GOSR2: variants seen among roughly 807,000 people sequenced by gnomAD.
GOSR2 encodes the protein 27 kDa Golgi SNARE protein.
GOSR2 carries 20 observed loss-of-function variants against 27.9 expected under a neutral mutation model. The observed-to-expected ratio is 0.72, with a 90% CI of 0.50 to 1.04. The LOEUF is 1.04. GOSR2 is among the 50% of genes least tolerant of loss of function. GOSR2 has a pLI of 0.00. For missense variants in GOSR2, 261 were observed against 270.5 expected, an observed-to-expected ratio of 0.97 and a Z score of 0.25; for synonymous variants, 91 against 98.8, an observed-to-expected ratio of 0.92 and a Z score of 0.47.
intron 6 of GOSR2, among the ~76,000 whole-genome samples, chr17:46,951,993 A>G (rs531384839): frequency 1.3e-5 from 2 of 152,154 alleles, no homozygotes; most frequent in South Asian, 4.1e-4. Flanking sequence ...CAGAGTGGCT[A>G]TATTTGGTTC....
downstream of GOSR2, among the ~76,000 whole-genome samples, chr17:46,968,297 C>A (rs2147338087): frequency 6.6e-6 from 1 of 152,310 alleles, no homozygotes; most frequent in East Asian, 1.9e-4. Flanking sequence ...CTGTGGACAC[C>A]CCTGAACATC....
At chr17:46,923,540 C>G (rs913969526) in intron 1 of GOSR2, 11 of 1,323,596 alleles carry the variant, frequency 8.3e-6, no homozygotes, top group Non-Finnish European at 9.6e-6. Context: ...CTTGTCAACT[C>G]GGTGCTCCTG....
Position 46,941,363 on chromosome 17 carries a change from A to G in GOSR2, c.*2603A>G, listed in dbSNP as rs945908979. The G allele has an allele frequency of 1.2e-5, 12 of 983,674 alleles. No individual in the cohort carries two copies. In the African/African-American group the frequency reaches 1.9e-4, roughly 16 times the overall value. 60.9% of individuals were successfully genotyped at this position (983,674 alleles called of 1,614,324 possible). On this transcript the variant is annotated 3_prime_UTR_variant, in exon 6 of 6. Transcript: ENST00000640051. Reference sequence around the variant, plus strand: ...AAGTTGAGGTTTATTTTATTTAGAAAATCACATTTTGTAAAAGAATTCGAT... The same window carrying G: ...AAGTTGAGGTTTATTTTATTTAGAAGATCACATTTTGTAAAAGAATTCGAT...
intron 5 of GOSR2, among the ~76,000 whole-genome samples, chr17:46,938,165 T>C (rs2088725065): frequency 6.6e-6 from 1 of 150,522 alleles, no homozygotes; most frequent in East Asian, 2.0e-4. Context: ...GCCTGGCCTG[T>C]TTGCAGTTTT....
At chr17:46,926,147 T>C (rs1305661363) in intron 1 of GOSR2, among the ~76,000 whole-genome samples, 2 of 152,180 alleles carry the variant, frequency 1.3e-5, no homozygotes, top group East Asian at 1.9e-4. Flanking sequence ...CAGCGGAGCT[T>C]AAGAACTATT....
chr17:46,972,218 G>C (rs558001420), intron 6 of GOSR2, among the ~76,000 whole-genome samples: 16 of 152,264 alleles, frequency 1.1e-4, no homozygotes, highest in African/African-American at 3.9e-4. Context: ...TTCCTGCTTT[G>C]CTTCTCCCGC....
chr17:46,972,090 T>G (rs1253843810), intron 6 of GOSR2, among the ~76,000 whole-genome samples: 1 of 12,642 alleles, frequency 7.9e-5, no homozygotes, highest in Non-Finnish European at 6.2e-3. Context: ...CTTCCCCGCT[T>G]TATGTTCTAT....
In GOSR2 at chr17:46,941,462, C is replaced by A; in HGVS notation, c.*2702C>A. 1.0e-6 allele frequency: 1 copy of A among 981,454 alleles called. No homozygotes were observed. The highest frequency in any genetic ancestry group is 1.2e-6 in the Non-Finnish European group (1 of 826,346). 60.8% of individuals were successfully genotyped at this position (981,454 alleles called of 1,614,324 possible). On this transcript the variant is annotated 3_prime_UTR_variant, in exon 6 of 6. Coordinates refer to ENST00000640051, the MANE Select transcript of GOSR2 (RefSeq NM_004287.5). The stretch of plus-strand genomic sequence containing the variant: ...AGATTCTCAAACACTGCTCCATGGC[C>A]AGGGGCTGGGCTGGCTGCTTCAGAA...
rs551456426 is a variant in GOSR2, at chr17:46,933,237, T to A, written c.336+1038T>A. On this transcript the variant is annotated intron_variant, in intron 4 of 5. Transcript: ENST00000640051. The stretch of plus-strand genomic sequence containing the variant: ...GGCGTGATGCTGTGCACACCGTCAG[T>A]TCTTAATAAACATTGACTTGCCAGA... 4 of 152,394 alleles carry A rather than the reference T, an allele frequency of 2.6e-5. No homozygotes were observed. In the South Asian group the frequency reaches 8.3e-4, roughly 32 times the overall value. The allele number at this position is 152,394 out of a possible 1,614,324, so 9.4% of individuals were successfully genotyped here. A position where few individuals can be genotyped will look rare whatever the true frequency, so the allele number is the denominator to read the frequency against.
chr17:46,968,447 A>G (rs1386206978), downstream of GOSR2, among the ~76,000 whole-genome samples: 1 of 152,190 alleles, frequency 6.6e-6, no homozygotes, highest in East Asian at 1.9e-4. Flanking sequence ...GTGTCCCTCC[A>G]TGCGGGGACC....
downstream of GOSR2, among the ~76,000 whole-genome samples, chr17:46,971,198 A>C (rs9901977): frequency 6.6e-6 from 1 of 151,782 alleles, no homozygotes; most frequent in Non-Finnish European, 1.5e-5. Context: ...TGAGCCAGGC[A>C]TGGTGGTGGG....
At position 46,940,347 on chromosome 17, in the gene GOSR2, G is replaced by A; in HGVS notation, c.*1587G>A. 6.8e-7 allele frequency: 1 copy of A among 1,477,540 alleles called. No homozygotes were observed. The highest frequency in any genetic ancestry group is 9.0e-7 in the Non-Finnish European group (1 of 1,116,110). 91.5% of individuals were successfully genotyped at this position (1,477,540 alleles called of 1,614,324 possible). On this transcript the variant is annotated 3_prime_UTR_variant, in exon 6 of 6. Coordinates refer to ENST00000640051, the MANE Select transcript of GOSR2 (RefSeq NM_004287.5). ...CAATCTGTGACTCCTAAAATGGGTT[G>A]GGGCCCTGCCAGAGTTAAAGCAGTG... is the stretch of plus-strand genomic sequence containing the variant.
intron 1 of GOSR2, chr17:46,924,192 A>C (rs1555704992): frequency 4.3e-6 from 1 of 234,022 alleles, no homozygotes; most frequent in Non-Finnish European, 8.2e-6. Context: ...TATTCTAGAT[A>C]CTTAATATAA....
chr17:46,945,224 T>G (rs189673775), downstream of GOSR2, among the ~76,000 whole-genome samples: 1 of 152,148 alleles, frequency 6.6e-6, no homozygotes, highest in Non-Finnish European at 1.5e-5. Flanking sequence ...AGGCCTGATG[T>G]GCTGTCTTCT....
downstream of GOSR2, among the ~76,000 whole-genome samples, chr17:46,944,031 G>T (rs2089607647): frequency 6.6e-6 from 1 of 152,292 alleles, no homozygotes; most frequent in South Asian, 2.1e-4. Flanking sequence ...GGTTCCACTG[G>T]CCCTTCCTTC....
Position 46,940,476 on chromosome 17 carries a change from C to T in GOSR2, c.*1716C>T. On this transcript the variant is annotated 3_prime_UTR_variant, in exon 6 of 6. Coordinates refer to ENST00000640051, the MANE Select transcript of GOSR2 (RefSeq NM_004287.5). ...ATTACACACAGCACTGCTGCGGTGC[C>T]AGGGACCTAGCGCAGGACTTTTGGT... is the stretch of plus-strand genomic sequence containing the variant. 1 of 1,612,434 alleles carries T rather than the reference C, an allele frequency of 6.2e-7. No individual in the cohort carries two copies. Among genetic ancestry groups the T allele is most frequent in the Non-Finnish European group, 8.5e-7 (1 of 1,179,810 alleles).
intron 6 of GOSR2, among the ~76,000 whole-genome samples, chr17:46,975,007 T>TTTC (rs2091434651): frequency 1.1e-5 from 1 of 90,886 alleles, no homozygotes; most frequent in Admixed American, 1.1e-4. Context: ...TTTTTTTTTT[T>TTTC]TTTTTTATGT....
Position 46,940,294 on chromosome 17 carries a change from A to G in GOSR2, c.*1534A>G, listed in dbSNP as rs983930988. Reference sequence around the variant, plus strand: ...CCATTGTTCCTACCCCTCCGGGCCAAATGGGCCCCAGGTTTCCAAGGAAGG... The same window carrying G: ...CCATTGTTCCTACCCCTCCGGGCCAGATGGGCCCCAGGTTTCCAAGGAAGG... On this transcript the variant is annotated 3_prime_UTR_variant, in exon 6 of 6. Transcript: ENST00000640051. The G allele has an allele frequency of 7.0e-7, 1 of 1,438,042 alleles. No homozygotes were observed. Among genetic ancestry groups the G allele is most frequent in the Non-Finnish European group, 9.1e-7 (1 of 1,100,840 alleles). The allele number at this position is 1,438,042 out of a possible 1,614,324, so 89.1% of individuals were successfully genotyped here.
At chr17:46,965,379 G>A (rs1351948441) in intron 6 of GOSR2, among the ~76,000 whole-genome samples, 3 of 152,242 alleles carry the variant, frequency 2.0e-5, no homozygotes, top group African/African-American at 7.2e-5. Flanking sequence ...CAAGGAGAGA[G>A]AAAGCTGGTC....
Sources: allele counts gnomAD v4.1 joint callset (sites outside exome capture counted in the v4.1 genomes callset), GRCh38; gene constraint gnomAD v4.1.1; transcripts MANE v1.5; gene names NCBI Gene and HGNC (gene_info 2026-07-23, HGNC 2026-07-21).